The following TSPEAR variants were observed in gnomAD, a reference collection of about 807,000 sequenced individuals.
TSPEAR encodes thrombospondin-type laminin G domain and EAR repeat-containing protein.
A neutral mutation model predicts 71.6 loss-of-function variants in TSPEAR; 69 were observed. The observed-to-expected ratio is 0.96, with a 90% CI of 0.79 to 1.18. TSPEAR has a LOEUF of 1.18. Ranked by LOEUF, TSPEAR falls within the 50% of genes most tolerant of loss-of-function variation. The pLI is 0.00. For missense variants in TSPEAR, 971 were observed against 894.9 expected (o/e 1.09, Z -1.09); for synonymous variants, 402 against 387.2 (o/e 1.04, Z -0.45).
intron 1 of TSPEAR, chr21:44,658,001 C>G (rs1555942881): frequency 6.2e-7 from 1 of 1,613,712 alleles, no homozygotes; most frequent in Non-Finnish European, 8.5e-7. Flanking sequence ...CAGCTGCTCC[C>G]CAGCCTGCCA....
chr21:44,614,382 C>A (rs1981932696), intron 1 of TSPEAR, among the ~76,000 whole-genome samples: 1 of 152,248 alleles, frequency 6.6e-6, no homozygotes, highest in South Asian at 2.1e-4. Context: ...GGGAGCCCGG[C>A]TCCACAAGAG....
Position 44,627,615 on chromosome 21 carries a change from T to C in TSPEAR, c.83-59610A>G, listed in dbSNP as rs1479381263. The C allele has an allele frequency of 5.0e-6, 8 of 1,611,866 alleles. No individual in the cohort carries two copies. The Admixed American group carries it at 1.3e-4, about 27-fold the overall frequency. On this transcript the variant is annotated intron_variant, in intron 1 of 11. Transcript: ENST00000323084. ...GCTGTGTGCCCGTCTGCTGCAAACC[T>C]GTGTGCTGTGCGCCCACCTGCTCTG... is the stretch of plus-strand genomic sequence containing the variant.
At position 44,498,059 on chromosome 21, in the gene TSPEAR, G is replaced by A. The variant is rs1569144455; in HGVS notation, c.*1724C>T. 2.6e-5 allele frequency: 4 copies of A among 152,218 alleles called. No individual in the cohort carries two copies. The allele number at this position is 152,218 out of a possible 1,614,324, so 9.4% of individuals were successfully genotyped here. On this transcript the variant is annotated 3_prime_UTR_variant, in exon 12 of 12. Coordinates refer to ENST00000323084, the MANE Select transcript of TSPEAR (RefSeq NM_144991.3). ...ACATGACTGATTGCTCCATGCTGCA[G>A]GAGAAAAGGAGCAGGTGGGAACAGT... is the stretch of plus-strand genomic sequence containing the variant.
chr21:44,688,958 T>C (rs1385472019), intron 1 of TSPEAR, among the ~76,000 whole-genome samples: 1 of 151,974 alleles, frequency 6.6e-6, no homozygotes, highest in Non-Finnish European at 1.5e-5. Flanking sequence ...CTCCCATCGC[T>C]TTTACTCCAA....
rs1555937567 is a variant in TSPEAR at position 44,638,073 on chromosome 21, G to C, written c.83-70068C>G. The C allele has an allele frequency of 3.1e-6, 5 of 1,613,106 alleles. No homozygotes were observed. The South Asian group carries it at 5.5e-5, about 18-fold the overall frequency. ...GCCTCTGCCTCCTCCTGCCAGCCCA[G>C]CTGCTGCCGCACGGCCTCCTGTGTT... On this transcript the variant is annotated intron_variant, in intron 1 of 11. Transcript: ENST00000323084.
intron 1 of TSPEAR, chr21:44,574,364 CT>C: frequency 6.2e-7 from 1 of 1,610,884 alleles, no homozygotes; most frequent in Non-Finnish European, 8.5e-7. Flanking sequence ...GCTGCATCAG[CT>C]CCTGCACGCC....
rs977976703 is a variant in TSPEAR, at chr21:44,687,728, C to T, written c.82+23705G>A. Among the ~76,000 whole-genome samples the T allele has an allele frequency of 2.6e-5, 4 of 152,138 alleles. No individual in the cohort carries two copies. The highest frequency in any genetic ancestry group is 5.9e-5 in the Non-Finnish European group (4 of 68,024). On this transcript the variant is annotated intron_variant, in intron 1 of 11. Coordinates refer to ENST00000323084, the MANE Select transcript of TSPEAR (RefSeq NM_144991.3). The surrounding 1 kb of genome is among the most constrained non-coding windows in gnomAD (Gnocchi z 4.4). The stretch of plus-strand genomic sequence containing the variant: ...CTCCCAGCCAGGAGGGAAGCCAGGA[C>T]CACCCTCTCCCCTGGGCCTTGAGGG...
At chr21:44,597,776 A>G (rs1555927814) in intron 1 of TSPEAR, among the ~76,000 whole-genome samples, 1 of 152,138 alleles carries the variant, frequency 6.6e-6, no homozygotes, top group Admixed American at 6.5e-5. Flanking sequence ...AGCAGCATGT[A>G]GTTAGGTTTT....
intron 10 of TSPEAR, among the ~76,000 whole-genome samples, chr21:44,507,517 C>G (rs899939708): frequency 6.6e-6 from 1 of 152,044 alleles, no homozygotes; most frequent in Non-Finnish European, 1.5e-5. Context: ...TTAAACATTA[C>G]CTTAATTAAT....
chr21:44,647,645 A>G (rs1984521304), intron 1 of TSPEAR: 2 of 465,952 alleles, frequency 4.3e-6, no homozygotes, highest in Non-Finnish European at 8.1e-6. Flanking sequence ...TTCTTGAGTC[A>G]GGAAATACGG....
intron 1 of TSPEAR, among the ~76,000 whole-genome samples, chr21:44,667,472 T>C (rs1985847997): frequency 6.6e-6 from 1 of 152,176 alleles, no homozygotes; most frequent in Admixed American, 6.5e-5. Flanking sequence ...TTGTGAGTGG[T>C]GACCATGGAT....
intron 1 of TSPEAR, chr21:44,574,610 C>T (rs368809950): frequency 2.5e-5 from 32 of 1,294,030 alleles, no homozygotes; most frequent in Admixed American, 5.3e-5. Flanking sequence ...GCAAGCCTGT[C>T]TGCTCTGTGC....
At chr21:44,696,773 G>A (rs1555950572) in intron 1 of TSPEAR, among the ~76,000 whole-genome samples, 1 of 152,190 alleles carries the variant, frequency 6.6e-6, no homozygotes, top group East Asian at 1.9e-4. Context: ...CCACGCAGAG[G>A]CTGGGCTCCA....
At chr21:44,697,132 C>A in intron 1 of TSPEAR, 5 of 1,580,262 alleles carry the variant, frequency 3.2e-6, no homozygotes, top group Non-Finnish European at 4.3e-6. Context: ...TCCTTCCCAT[C>A]CAGCACCCAG....
intron 1 of TSPEAR, among the ~76,000 whole-genome samples, chr21:44,684,759 A>G (rs6518200): frequency 0.64 from 97,611 of 151,436 alleles, 31,621 homozygotes; most frequent in South Asian, 0.72. Context: ...GCCCTGACCT[A>G]CAGGAAGGAG....
At chr21:44,608,444 C>T (rs1981449497) in intron 1 of TSPEAR, among the ~76,000 whole-genome samples, 1 of 152,176 alleles carries the variant, frequency 6.6e-6, no homozygotes, top group South Asian at 2.1e-4. Context: ...CCAATTGGGA[C>T]TTTTGTTTTT....
In TSPEAR at chr21:44,522,358, G is replaced by C. The variant is rs587746261; in HGVS notation, c.1337-246C>G. 8.5e-5 allele frequency among the ~76,000 whole-genome samples: 13 copies of C among 152,346 alleles called. No homozygotes were observed. The South Asian group carries it at 2.5e-3, about 29-fold the overall frequency. ...ATGCTTGGTGGCCCCCACCGCCCTT[G>C]GGACAGGTGTACATCTCCATGGCCT... On this transcript the variant is annotated intron_variant, in intron 8 of 11. Transcript: ENST00000323084.
chr21:44,573,044 G>A (rs747464964), intron 1 of TSPEAR, among the ~76,000 whole-genome samples: 23 of 152,032 alleles, frequency 1.5e-4, no homozygotes, highest in African/African-American at 5.3e-4. Context: ...TCCACACCTC[G>A]ATCTCAGACT....
intron 1 of TSPEAR, among the ~76,000 whole-genome samples, chr21:44,635,709 T>C (rs1398334355): frequency 6.6e-6 from 1 of 152,188 alleles, no homozygotes. Flanking sequence ...ATGATAGTAT[T>C]CTGGAACTAG....
Sources: allele counts gnomAD v4.1 joint callset (sites outside exome capture counted in the v4.1 genomes callset), GRCh38; gene constraint gnomAD v4.1.1; non-coding constraint Gnocchi (gnomAD v3.1); transcripts MANE v1.5; gene names NCBI Gene and HGNC (gene_info 2026-07-23, HGNC 2026-07-21).